Variants in SSPN observed in about 807,000 individuals in gnomAD.
SSPN encodes the protein K-ras oncogene-associated protein.
A neutral mutation model predicts 19.1 loss-of-function variants in SSPN; 15 were observed. The observed-to-expected ratio is 0.78, with a 90% confidence interval of 0.52 to 1.21. The LOEUF is 1.21. Ranked by LOEUF, SSPN falls within the 50% of genes most tolerant of loss-of-function variation. The pLI is 0.00. For missense variants in SSPN, 291 were observed against 314.0 expected (o/e 0.93, Z 0.55); for synonymous variants, 147 against 140.3 (o/e 1.05, Z -0.34).
intron 1 of SSPN, among the ~76,000 whole-genome samples, chr12:26,172,253 G>T (rs1944657736): frequency 1.3e-5 from 2 of 152,122 alleles, no homozygotes; most frequent in African/African-American, 4.8e-5. Context: ...TTTTAAATGT[G>T]TATGAAAATA....
rs549610486 is a variant in SSPN at position 26,127,244 on chromosome 12, A to G, written c.-31+5092A>G. 7.2e-5 allele frequency among the ~76,000 whole-genome samples: 11 copies of G among 152,352 alleles called. No individual in the cohort carries two copies. The East Asian group carries it at 2.1e-3, about 29-fold the overall frequency. On this transcript the variant is annotated intron_variant, in intron 1 of 2. Coordinates refer to the SSPN transcript ENST00000538142. ...TTTGGCCTCGTCGGGCTAAAAACACAAGGCAGACATCTGACCAGGGCAAAC... is the reference window on the plus strand; with the variant it reads ...TTTGGCCTCGTCGGGCTAAAAACACGAGGCAGACATCTGACCAGGGCAAAC...
chr12:26,204,779 C>G (rs1414414344), intron 1 of SSPN, among the ~76,000 whole-genome samples: 1 of 152,180 alleles, frequency 6.6e-6, no homozygotes, highest in Non-Finnish European at 1.5e-5. Context: ...TTTTCCTTCA[C>G]TAAGTACTGT....
At chr12:26,228,775 T>C (rs1945202573) in intron 2 of SSPN, among the ~76,000 whole-genome samples, 1 of 152,292 alleles carries the variant, frequency 6.6e-6, no homozygotes, top group South Asian at 2.1e-4. Flanking sequence ...GTTCAAATAT[T>C]CTTCCCCATT....
In SSPN at chr12:26,195,967, GT is replaced by G. The variant is rs768427788; in HGVS notation, c.279+20del. The G allele has an allele frequency of 6.1e-6, 9 of 1,471,444 alleles. No individual in the cohort carries two copies. Among genetic ancestry groups the G allele is most frequent in the Non-Finnish European group, 7.2e-6 (8 of 1,111,058 alleles). The allele number at this position is 1,471,444 out of a possible 1,614,324, so 91.1% of individuals were successfully genotyped here. ...TGGGATCATTGTAAGCATCAAGTCT[GT>G]TTTGCCTAAGCGCGTTTGCCAAACA... On this transcript the variant is annotated intron_variant, in intron 1 of 2. Transcript: ENST00000242729.
chr12:26,130,673 T>G (rs1316825943), intron 1 of SSPN, among the ~76,000 whole-genome samples: 1 of 152,178 alleles, frequency 6.6e-6, no homozygotes, highest in Non-Finnish European at 1.5e-5. Context: ...TAACAGCAAC[T>G]GAAATTAGGA....
chr12:26,213,763 T>C (rs201670884), intron 1 of SSPN, among the ~76,000 whole-genome samples: 1 of 152,192 alleles, frequency 6.6e-6, no homozygotes, highest in African/African-American at 2.4e-5. Flanking sequence ...TACTAATCAC[T>C]GTATGTCATG....
chr12:26,147,625 T>C (rs1944500875), intron 1 of SSPN, among the ~76,000 whole-genome samples: 1 of 152,220 alleles, frequency 6.6e-6, no homozygotes, highest in Non-Finnish European at 1.5e-5. Context: ...TGATTACTAC[T>C]TAATGCAACA....
chr12:26,232,152 A>T lies in SSPN; in HGVS notation c.*1076A>T, dbSNP rs752051750. On this transcript the variant is annotated 3_prime_UTR_variant, in exon 3 of 3. Coordinates refer to ENST00000242729, the MANE Select transcript of SSPN (RefSeq NM_005086.5). ...TTGGCAACCAATCTATGTTTGAGGA[A>T]GATTGGGTAATGCTGATGTGTTCCA... The T allele has an allele frequency of 5.7e-5, 56 of 985,360 alleles. No individual in the cohort carries two copies. The highest frequency in any genetic ancestry group is 6.6e-5 in the Non-Finnish European group (55 of 829,938). 61.0% of individuals were successfully genotyped at this position (985,360 alleles called of 1,614,324 possible).
At chr12:26,154,245 C>T (rs932281901) in intron 1 of SSPN, among the ~76,000 whole-genome samples, 1 of 152,112 alleles carries the variant, frequency 6.6e-6, no homozygotes, top group Non-Finnish European at 1.5e-5. Context: ...TGTAACTCAC[C>T]CTCGGTTGAT....
At chr12:26,175,701 A>G (rs908693253) in intron 1 of SSPN, among the ~76,000 whole-genome samples, 8 of 152,226 alleles carry the variant, frequency 5.3e-5, no homozygotes, top group Admixed American at 5.2e-4. Flanking sequence ...CAACTGTGAG[A>G]TATGAATCTA....
rs765265560 is a variant in SSPN at position 26,231,122 on chromosome 12, G to A, written c.*46G>A. The A allele has an allele frequency of 6.6e-6, 10 of 1,507,144 alleles. No individual in the cohort carries two copies. The highest frequency in any genetic ancestry group is 8.0e-6 in the Non-Finnish European group (9 of 1,128,586). The allele number at this position is 1,507,144 out of a possible 1,614,324, so 93.4% of individuals were successfully genotyped here. ...AGAGAAAGTAGCACATGGAGTAGCT[G>A]AGGTTAAACAAACAAAAAAAAATTT... On this transcript the variant is annotated 3_prime_UTR_variant, in exon 3 of 3. Coordinates refer to ENST00000242729, the MANE Select transcript of SSPN (RefSeq NM_005086.5).
chr12:26,143,356 T>TTA (rs1477911987), intron 1 of SSPN, among the ~76,000 whole-genome samples: 1 of 152,226 alleles, frequency 6.6e-6, no homozygotes, highest in East Asian at 1.9e-4. Flanking sequence ...GTTGAATGCT[T>TTA]TATACACATG....
At chr12:26,122,306 GGCGGCGGCTGCC>G in intron 1 of SSPN, 1 of 1,181,890 alleles carries the variant, frequency 8.5e-7, no homozygotes. Flanking sequence ...CGGCAGCGGC[GGCGGCGGCTGCC>G]GCGGCTGCCG....
chr12:26,200,487 A>G (rs2137462737), intron 1 of SSPN, among the ~76,000 whole-genome samples: 1 of 152,336 alleles, frequency 6.6e-6, no homozygotes, highest in Non-Finnish European at 1.5e-5. Context: ...TCACAAGCAG[A>G]CATATCACAT....
intron 2 of SSPN, among the ~76,000 whole-genome samples, chr12:26,226,268 T>TG (rs1032417635): frequency 1.6e-4 from 24 of 151,978 alleles, no homozygotes; most frequent in East Asian, 3.9e-4. Flanking sequence ...CTCACACTAC[T>TG]GGGGGGGCGA....
At chr12:26,165,547 G>A (rs1368665234) in intron 1 of SSPN, among the ~76,000 whole-genome samples, 3 of 152,210 alleles carry the variant, frequency 2.0e-5, no homozygotes, top group South Asian at 2.1e-4. Flanking sequence ...GGGATTAATT[G>A]CTATTGTGCC....
At chr12:26,183,046 G>A (rs887919616) in intron 1 of SSPN, among the ~76,000 whole-genome samples, 3 of 152,054 alleles carry the variant, frequency 2.0e-5, no homozygotes, top group Non-Finnish European at 4.4e-5. Context: ...GATTACAGGC[G>A]TGAGCCACTG....
At chr12:26,190,409 G>A (rs565588046), upstream of SSPN, among the ~76,000 whole-genome samples, 4 of 152,320 alleles carry the variant, frequency 2.6e-5, 1 homozygote, top group African/African-American at 7.2e-5. Flanking sequence ...TGCATTAGCC[G>A]CCTGGGAAGC....
Position 26,207,807 on chromosome 12 carries a change from A to G in SSPN, c.279+11856A>G, listed in dbSNP as rs181650413. Among the ~76,000 whole-genome samples the G allele has an allele frequency of 1.1e-3, 160 of 152,264 alleles. 1 individual carries two copies. Among genetic ancestry groups the G allele is most frequent in the Middle Eastern group, 0.01 (3 of 294 alleles). ...GCCTAGGAGTTCAAGCCTGGGCAAC[A>G]TGGCAAAACCCCGTCTCTACAAAAA... On this transcript the variant is annotated intron_variant, in intron 1 of 2. Transcript: ENST00000242729.
Sources: allele counts gnomAD v4.1 joint callset (sites outside exome capture counted in the v4.1 genomes callset), GRCh38; gene constraint gnomAD v4.1.1; transcripts MANE v1.5; gene names NCBI Gene and HGNC (gene_info 2026-07-23, HGNC 2026-07-21).